ZFYVE9: variants seen among roughly 807,000 people sequenced by gnomAD.
ZFYVE9 encodes the protein zinc finger FYVE-type containing 9.
A neutral mutation model predicts 126.7 loss-of-function variants in ZFYVE9; 43 were observed. That is an observed-to-expected ratio of 0.34 (90% CI 0.27 to 0.44). The LOEUF (loss-of-function observed/expected upper bound fraction) is 0.44, where lower values mean the gene tolerates loss of function less well. Among genes scored for constraint, ZFYVE9 ranks in the 20% least tolerant of loss-of-function variants. The pLI, the probability that ZFYVE9 is intolerant of heterozygous loss-of-function variation, is 1.00. For missense variants in ZFYVE9, 1,476 were observed against 1,697.0 expected, an observed-to-expected ratio of 0.87 and a Z score of 2.29; for synonymous variants, 521 against 597.4, an observed-to-expected ratio of 0.87 and a Z score of 1.87.
intron 1 of ZFYVE9, among the ~76,000 whole-genome samples, chr1:52,150,711 G>A (rs914456865): frequency 1.3e-5 from 2 of 151,462 alleles, no homozygotes; most frequent in Admixed American, 6.6e-5. Context: ...GAGGGGAGGT[G>A]CAGTGAGCCG....
At chr1:52,177,933 A>C (rs1644654065) in intron 1 of ZFYVE9, among the ~76,000 whole-genome samples, 1 of 151,732 alleles carries the variant, frequency 6.6e-6, no homozygotes, top group African/African-American at 2.4e-5. Context: ...TATACTATGA[A>C]AAGTAGTTTT....
intron 1 of ZFYVE9, among the ~76,000 whole-genome samples, chr1:52,184,973 C>T (rs761280430): frequency 3.9e-5 from 6 of 152,140 alleles, no homozygotes; most frequent in Non-Finnish European, 8.8e-5. Context: ...GGGCAGCATA[C>T]TGAGTCTCTA....
At chr1:52,337,688 G>T (rs752672779) in intron 15 of ZFYVE9, 84 bp from the exon 16 acceptor site, 32 of 1,503,058 alleles carry the variant, frequency 2.1e-5, no homozygotes, top group Non-Finnish European at 2.8e-5. Context: ...CAGAGCTAAG[G>T]TTTACATTTA....
chr1:52,245,186 T>C (rs1024480069), intron 4 of ZFYVE9, among the ~76,000 whole-genome samples: 22 of 151,580 alleles, frequency 1.5e-4, no homozygotes, highest in Non-Finnish European at 2.7e-4. Context: ...AATTATGACA[T>C]ATTATTTGTT....
chr1:52,234,471 A>G (rs1335247110), intron 3 of ZFYVE9, among the ~76,000 whole-genome samples: 1 of 152,198 alleles, frequency 6.6e-6, no homozygotes, highest in Non-Finnish European at 1.5e-5. Context: ...AAAAAATAAT[A>G]AAGCCCATGA....
intron 2 of ZFYVE9, among the ~76,000 whole-genome samples, chr1:52,218,234 T>C (rs1268142580): frequency 6.6e-6 from 1 of 152,128 alleles, no homozygotes; most frequent in Admixed American, 6.5e-5. Flanking sequence ...GCCACTCCAG[T>C]TGCTTGGCAG....
intron 13 of ZFYVE9, among the ~76,000 whole-genome samples, chr1:52,313,118 A>G (rs945780997): frequency 6.6e-6 from 1 of 152,212 alleles, no homozygotes; most frequent in South Asian, 2.1e-4. Context: ...AGACGGAACT[A>G]TCTCTGCTGA....
At chr1:52,194,520 A>C (rs1418209498) in intron 1 of ZFYVE9, among the ~76,000 whole-genome samples, 1 of 152,226 alleles carries the variant, frequency 6.6e-6, no homozygotes, top group Non-Finnish European at 1.5e-5. Context: ...TCATAATGAA[A>C]AATACAAATT....
intron 1 of ZFYVE9, among the ~76,000 whole-genome samples, chr1:52,166,182 G>T (rs1286257626): frequency 6.6e-6 from 1 of 152,222 alleles, no homozygotes; most frequent in Non-Finnish European, 1.5e-5. Flanking sequence ...AACTGAGAGT[G>T]CATGGCAGTG....
At chr1:52,266,591 G>C in intron 5 of ZFYVE9, 64 bp from the exon 6 acceptor site, 1 of 1,379,032 alleles carries the variant, frequency 7.3e-7, no homozygotes. Flanking sequence ...ATCCAATATT[G>C]TGGAGGTCTT....
At chr1:52,256,022 T>A (rs1645514251) in intron 4 of ZFYVE9, among the ~76,000 whole-genome samples, 1 of 133,138 alleles carries the variant, frequency 7.5e-6, no homozygotes, top group Non-Finnish European at 1.5e-5. Context: ...CTTTCCTTTC[T>A]TTCTTTCTGT....
At chr1:52,269,398 A>G (rs346566) in intron 7 of ZFYVE9, among the ~76,000 whole-genome samples, 12 of 152,162 alleles carry the variant, frequency 7.9e-5, no homozygotes, top group South Asian at 2.1e-4. Flanking sequence ...CCAAAGTGCT[A>G]GGATTACAGG....
intron 1 of ZFYVE9, among the ~76,000 whole-genome samples, chr1:52,197,607 A>T (rs1366425106): frequency 3.5e-5 from 2 of 57,726 alleles, no homozygotes; most frequent in Non-Finnish European, 9.8e-5. Flanking sequence ...TCAAAAAAAA[A>T]TAGAAGAAAG....
In ZFYVE9 at chr1:52,263,890, T is replaced by C; in HGVS notation, c.2278+18T>C. 1 of 1,509,576 alleles carries C rather than the reference T, an allele frequency of 6.6e-7. No homozygotes were observed. The highest frequency in any genetic ancestry group is 9.1e-7 in the Non-Finnish European group (1 of 1,103,110). The allele number at this position is 1,509,576 out of a possible 1,614,324, so 93.5% of individuals were successfully genotyped here. ...AATGAATGGTAAGTATTAAAACAGG[T>C]TGATTTCATAGTTATTGAGACAAAA... On this transcript the variant is annotated intron_variant, in intron 5 of 18. Transcript: ENST00000287727.
At chr1:52,181,647 T>TA (rs1345642688) in intron 1 of ZFYVE9, among the ~76,000 whole-genome samples, 1 of 150,974 alleles carries the variant, frequency 6.6e-6, no homozygotes, top group Non-Finnish European at 1.5e-5. Flanking sequence ...GGAGCGCCTC[T>TA]TCCCGGCCGC....
rs71041896 is a variant in ZFYVE9 at position 52,336,947 on chromosome 1, T to TAAA, written c.3671-805_3671-803dup. Among the ~76,000 whole-genome samples the TAAA allele has an allele frequency of 5.4e-4, 58 of 107,830 alleles. 1 individual carries two copies. Among genetic ancestry groups the TAAA allele is most frequent in the Admixed American group, 1.8e-3 (17 of 9,572 alleles). The allele number at this position is 107,830 out of a possible 152,430, so 70.7% of individuals were successfully genotyped here. ...CGCTCCAACCTGGGCAGTCATCTCTTAAAAAAAAAAAAAAAAAAAAAAGAT... is the reference window on the plus strand; with the variant it reads ...CGCTCCAACCTGGGCAGTCATCTCTTAAAAAAAAAAAAAAAAAAAAAAAAAGAT... On this transcript the variant is annotated intron_variant, in intron 15 of 18. Transcript: ENST00000287727.
intron 1 of ZFYVE9, among the ~76,000 whole-genome samples, chr1:52,197,584 TGA>T (rs1644872004): frequency 6.7e-6 from 1 of 148,484 alleles, no homozygotes; most frequent in Non-Finnish European, 1.5e-5. Context: ...GGGATGAAGA[TGA>T]GAGATAGATG....
At chr1:52,182,594 C>G (rs1445711328) in intron 1 of ZFYVE9, among the ~76,000 whole-genome samples, 2 of 151,704 alleles carry the variant, frequency 1.3e-5, no homozygotes, top group Non-Finnish European at 2.9e-5. Flanking sequence ...TCTCAAGTAC[C>G]CAGGGACACA....
Position 52,281,677 on chromosome 1 carries a change from C to T in ZFYVE9, c.2886C>T (p.Cys962=). The stretch of plus-strand genomic sequence containing the variant: ...CATCTGTAGATGTGAACAGGAAGTG[C>T]TGGTGTTTCACAACCAAGGGAATGC... ...VKIVNYVNRK[C]WCFTTKGMHA... Residue 962 remains cysteine, a synonymous_variant, in exon 10 of 19, where the codon TGC becomes TGT. Transcript: ENST00000287727. The T allele has an allele frequency of 4.3e-6, 7 of 1,614,028 alleles. No homozygotes were observed. Among genetic ancestry groups the T allele is most frequent in the Non-Finnish European group, 5.9e-6 (7 of 1,180,002 alleles).
Sources: allele counts gnomAD v4.1 joint callset (sites outside exome capture counted in the v4.1 genomes callset), GRCh38; gene constraint gnomAD v4.1.1; transcripts MANE v1.5; gene names NCBI Gene and HGNC (gene_info 2026-07-23, HGNC 2026-07-21).